The following RDX variants were observed in gnomAD, a reference collection of about 807,000 sequenced individuals.
RDX encodes the protein radixin.
A neutral mutation model predicts 83.7 loss-of-function variants in RDX; 32 were observed. That is an observed-to-expected ratio of 0.38 (90% CI 0.29 to 0.51). The LOEUF is 0.51. RDX is among the 20% of genes least tolerant of loss of function. The probability of loss-of-function intolerance (pLI) is 0.87; values close to 1 mark genes in which losing one functional copy is unlikely to be tolerated. For missense variants in RDX, 600 were observed against 689.9 expected (o/e 0.87, Z 1.46); for synonymous variants, 229 against 222.7 (o/e 1.03, Z -0.25).
chr11:110,179,890 C>A (rs1293920044), intron 15 of RDX: 8 of 412,266 alleles, frequency 1.9e-5, no homozygotes, highest in Non-Finnish European at 4.6e-6. Context: ...TTTTCTTTTT[C>A]TTTTTCTTTT....
chr11:110,289,365 T>C (rs534875429), intron 1 of RDX, among the ~76,000 whole-genome samples: 1 of 152,260 alleles, frequency 6.6e-6, no homozygotes. Flanking sequence ...GCCAGATAAT[T>C]TGACACACTT....
intron 14 of RDX, among the ~76,000 whole-genome samples, chr11:110,216,095 T>C (rs1218406411): frequency 1.3e-5 from 2 of 152,186 alleles, no homozygotes; most frequent in African/African-American, 4.8e-5. Context: ...TCAGTGGACA[T>C]TGGCCTAGAT....
At chr11:110,236,412 A>G in intron 11 of RDX, 3 of 483,808 alleles carry the variant, frequency 6.2e-6, no homozygotes, top group Non-Finnish European at 1.1e-5. Context: ...TATTCTACAG[A>G]CTAGTTAATC....
In RDX at chr11:110,231,655, C is replaced by G. The variant is rs1261382733; in HGVS notation, c.*214G>C. On this transcript the variant is annotated 3_prime_UTR_variant, in exon 14 of 14. Transcript: ENST00000645495. ...AAAAGAGGCAATGGAACACCATTCT[C>G]CATTCCCTGGACCAAAAGAAAAAAG... 3.4e-6 allele frequency: 2 copies of G among 591,644 alleles called. No homozygotes were observed. Among genetic ancestry groups the G allele is most frequent in the African/African-American group, 3.7e-5 (2 of 53,626 alleles). 36.6% of individuals were successfully genotyped at this position (591,644 alleles called of 1,614,324 possible).
chr11:110,188,135 A>G (rs967028510), intron 15 of RDX, among the ~76,000 whole-genome samples: 2 of 152,034 alleles, frequency 1.3e-5, no homozygotes, highest in Non-Finnish European at 2.9e-5. Flanking sequence ...CTCTACCAAA[A>G]ATATAAAAAT....
At chr11:110,290,015 A>G (rs1295266995) in intron 1 of RDX, among the ~76,000 whole-genome samples, 1 of 149,594 alleles carries the variant, frequency 6.7e-6, no homozygotes, top group Non-Finnish European at 1.5e-5. Flanking sequence ...ATGCATCCAC[A>G]TTATTCCATG....
intron 15 of RDX, among the ~76,000 whole-genome samples, chr11:110,181,451 C>T (rs1022133954): frequency 6.6e-6 from 1 of 152,178 alleles, no homozygotes; most frequent in Non-Finnish European, 1.5e-5. Context: ...CGTGAGCCAC[C>T]GCGCCTGGCC....
intron 3 of RDX, among the ~76,000 whole-genome samples, chr11:110,267,317 A>G (rs1860088697): frequency 6.6e-6 from 1 of 151,896 alleles, no homozygotes; most frequent in Non-Finnish European, 1.5e-5. Context: ...GTTCAAGACC[A>G]GCCTGGTCAA....
At chr11:110,240,614 G>T (rs1284716519) in intron 10 of RDX, among the ~76,000 whole-genome samples, 1 of 151,550 alleles carries the variant, frequency 6.6e-6, no homozygotes, top group African/African-American at 2.4e-5. Context: ...GCGTGGTAGC[G>T]GGCGCCTGTA....
chr11:110,176,402 A>G (rs984223623), intron 15 of RDX, among the ~76,000 whole-genome samples: 7 of 152,138 alleles, frequency 4.6e-5, no homozygotes, highest in Admixed American at 1.3e-4. Flanking sequence ...CCATCCAGGC[A>G]GTACCCCTCC....
intron 15 of RDX, among the ~76,000 whole-genome samples, chr11:110,188,425 G>A (rs533510756): frequency 6.6e-5 from 10 of 152,080 alleles, no homozygotes; most frequent in East Asian, 1.9e-4. Context: ...AGCGAACATC[G>A]TATGTTCTCA....
chr11:110,246,613 A>G (rs1349387510), intron 10 of RDX, among the ~76,000 whole-genome samples: 3 of 152,120 alleles, frequency 2.0e-5, no homozygotes, highest in Non-Finnish European at 4.4e-5. Flanking sequence ...TCTCTCTACT[A>G]AAAATACAAA....
intron 5 of RDX, among the ~76,000 whole-genome samples, chr11:110,258,867 C>CTTTTTTT (rs11421586): frequency 4.9e-4 from 46 of 94,592 alleles, no homozygotes; most frequent in Admixed American, 6.6e-4. Context: ...CAAATACATT[C>CTTTTTTT]TTTTTTTTTT....
chr11:110,250,709 C>G (rs1486985976), intron 9 of RDX, among the ~76,000 whole-genome samples: 1 of 152,152 alleles, frequency 6.6e-6, no homozygotes, highest in Admixed American at 6.5e-5. Context: ...GGGGAATGGT[C>G]TTCCTACTGA....
At chr11:110,191,399 C>T (rs188688565) in intron 15 of RDX, among the ~76,000 whole-genome samples, 10 of 152,342 alleles carry the variant, frequency 6.6e-5, no homozygotes, top group Admixed American at 5.2e-4. Flanking sequence ...AAACCTTCAA[C>T]AGAGTAGGCA....
At position 110,199,477 on chromosome 11, in the gene RDX, G is replaced by C. The variant is rs1863320337; in HGVS notation, c.*31+104C>G. The C allele has an allele frequency of 7.5e-6, 5 of 670,210 alleles. No homozygotes were observed. The East Asian group carries it at 1.4e-4, about 18-fold the overall frequency. The allele number at this position is 670,210 out of a possible 1,614,324, so 41.5% of individuals were successfully genotyped here. On this transcript the variant is annotated intron_variant, in intron 15 of 15. Transcript: ENST00000528498. ...AATCCACAGGTCCTGTGGATGAACA[G>C]GTTCAGATTTTATGAGGTCCCACCA...
At chr11:110,210,232 G>C (rs1863781715) in intron 14 of RDX, among the ~76,000 whole-genome samples, 1 of 134,024 alleles carries the variant, frequency 7.5e-6, no homozygotes, top group Non-Finnish European at 1.6e-5. Flanking sequence ...GGAAGAAAGG[G>C]TATCAGCCAT....
downstream of RDX, chr11:110,229,341 C>G (rs1023370623): frequency 6.6e-6 from 1 of 152,386 alleles, no homozygotes; most frequent in African/African-American, 2.4e-5. Flanking sequence ...TATTTCCTAT[C>G]TACTTCTTAC....
intron 15 of RDX, among the ~76,000 whole-genome samples, chr11:110,187,726 C>G (rs1863014826): frequency 6.6e-6 from 1 of 152,212 alleles, no homozygotes; most frequent in African/African-American, 2.4e-5. Context: ...CAGTCCAGCC[C>G]CACTTATCTT....
Sources: allele counts gnomAD v4.1 joint callset (sites outside exome capture counted in the v4.1 genomes callset), GRCh38; gene constraint gnomAD v4.1.1; transcripts MANE v1.5; gene names NCBI Gene and HGNC (gene_info 2026-07-23, HGNC 2026-07-21).